The following NCAM2 variants were observed in gnomAD, a reference collection of about 807,000 sequenced individuals.
NCAM2 encodes N-CAM-2.
A neutral mutation model predicts 98.1 loss-of-function variants in NCAM2; 30 were observed. The observed-to-expected ratio is 0.31, with a 90% confidence interval of 0.23 to 0.41. The LOEUF (loss-of-function observed/expected upper bound fraction) is 0.41. NCAM2 is among the 10% of genes least tolerant of loss of function. NCAM2 has a pLI of 1.00. For synonymous variants in NCAM2, 368 were observed against 342.4 expected, an observed-to-expected ratio of 1.07 and a Z score of -0.83; for missense variants, 867 against 1,005.8, an observed-to-expected ratio of 0.86 and a Z score of 1.87.
chr21:21,120,075 A>C (rs1034356068), intron 1 of NCAM2, among the ~76,000 whole-genome samples: 13 of 152,210 alleles, frequency 8.5e-5, no homozygotes, highest in Non-Finnish European at 1.9e-4. Flanking sequence ...TAATTGCTTT[A>C]ATCTGCTGCT....
intron 1 of NCAM2, among the ~76,000 whole-genome samples, chr21:21,162,719 T>G (rs2067823715): frequency 6.6e-6 from 1 of 152,106 alleles, no homozygotes; most frequent in Admixed American, 6.6e-5. Flanking sequence ...AAGTTCTTGG[T>G]GATGATTGGC....
intron 10 of NCAM2, among the ~76,000 whole-genome samples, chr21:21,415,098 C>T (rs770731045): frequency 2.2e-4 from 34 of 151,940 alleles, no homozygotes; most frequent in Non-Finnish European, 1.0e-4. Flanking sequence ...CTTAAAGACC[C>T]TAGGATTTTC....
At chr21:21,124,039 G>C (rs1205879972) in intron 1 of NCAM2, among the ~76,000 whole-genome samples, 1 of 150,532 alleles carries the variant, frequency 6.6e-6, no homozygotes, top group African/African-American at 2.4e-5. Flanking sequence ...GTAGAGACGG[G>C]GTTTCACCAT....
At chr21:21,402,319 A>AT (rs1287430170) in intron 9 of NCAM2, among the ~76,000 whole-genome samples, 1 of 152,150 alleles carries the variant, frequency 6.6e-6, no homozygotes, top group Admixed American at 6.5e-5. Flanking sequence ...GGGGAGGTCT[A>AT]TAAACGGCCA....
chr21:21,483,774 A>G (rs1469892806), intron 15 of NCAM2, among the ~76,000 whole-genome samples: 1 of 152,118 alleles, frequency 6.6e-6, no homozygotes, highest in Admixed American at 6.5e-5. Flanking sequence ...TAAGTCTAAA[A>G]AATATTTTCA....
At chr21:21,361,231 C>T (rs953636699) in intron 8 of NCAM2, among the ~76,000 whole-genome samples, 1 of 152,068 alleles carries the variant, frequency 6.6e-6, no homozygotes, top group African/African-American at 2.4e-5. Context: ...TCTTGATACA[C>T]ACACACACAC....
chr21:21,314,526 C>T (rs1431170584), intron 5 of NCAM2, among the ~76,000 whole-genome samples: 3 of 152,078 alleles, frequency 2.0e-5, no homozygotes, highest in African/African-American at 7.2e-5. Flanking sequence ...ATGTCAGATG[C>T]ATTGATACAT....
At chr21:21,099,022 T>C (rs914746231) in intron 1 of NCAM2, among the ~76,000 whole-genome samples, 2 of 151,858 alleles carry the variant, frequency 1.3e-5, no homozygotes, top group African/African-American at 2.4e-5. Flanking sequence ...TGACCATCAG[T>C]GGATTAATTT....
At chr21:21,389,813 T>G (rs184097028) in intron 9 of NCAM2, among the ~76,000 whole-genome samples, 9 of 152,314 alleles carry the variant, frequency 5.9e-5, no homozygotes, top group African/African-American at 2.2e-4. Context: ...CTTTATCCAT[T>G]CATGCACTGG....
At position 21,410,102 on chromosome 21, in the gene NCAM2, C is replaced by T. The variant is rs138500079; in HGVS notation, c.1196-172C>T. On this transcript the variant is annotated intron_variant, in intron 9 of 17. Coordinates refer to ENST00000400546, the MANE Select transcript of NCAM2 (RefSeq NM_004540.5). ...GAGCGGAGATTGCACCACTGCACTC[C>T]AGCCTGGGCGACAGGGCGAGACTCC... Among the ~76,000 whole-genome samples the T allele has an allele frequency of 7.8e-3, 1,181 of 151,724 alleles. 15 individuals carry two copies. The highest frequency in any genetic ancestry group is 0.027 in the African/African-American group (1,133 of 41,350).
At chr21:21,359,840 AC>A (rs1263213071) in intron 8 of NCAM2, among the ~76,000 whole-genome samples, 4 of 151,934 alleles carry the variant, frequency 2.6e-5, no homozygotes, top group African/African-American at 9.7e-5. Context: ...AATAGACTTA[AC>A]AAAAACAACA....
intron 1 of NCAM2, among the ~76,000 whole-genome samples, chr21:21,082,171 T>A (rs997140936): frequency 7.0e-6 from 1 of 143,138 alleles, no homozygotes; most frequent in Non-Finnish European, 1.5e-5. Flanking sequence ...GAGGTTGCAG[T>A]GAGCTGAGAT....
At chr21:21,061,564 A>T (rs2065322952) in intron 1 of NCAM2, among the ~76,000 whole-genome samples, 1 of 152,166 alleles carries the variant, frequency 6.6e-6, no homozygotes, top group Non-Finnish European at 1.5e-5. Flanking sequence ...ATCTGTTCAG[A>T]GATGAGTTAA....
chr21:20,998,848 G>A (rs6518017), intron 1 of NCAM2, among the ~76,000 whole-genome samples: 63,360 of 151,918 alleles, frequency 0.42, 13,345 homozygotes, highest in Admixed American at 0.44. Context: ...GAGGGGAATC[G>A]GTGAGCAGGA....
intron 1 of NCAM2, among the ~76,000 whole-genome samples, chr21:21,274,700 T>A (rs1030194796): frequency 6.6e-6 from 1 of 152,180 alleles, no homozygotes; most frequent in South Asian, 2.1e-4. Flanking sequence ...TCTTAGTCTT[T>A]TAACACTGTT....
intron 1 of NCAM2, among the ~76,000 whole-genome samples, chr21:21,041,751 G>A (rs1468871567): frequency 6.6e-6 from 1 of 152,204 alleles, no homozygotes; most frequent in African/African-American, 2.4e-5. Context: ...GTAACAGAGA[G>A]AGAAAGCAAG....
intron 9 of NCAM2, among the ~76,000 whole-genome samples, chr21:21,379,303 T>A (rs571823433): frequency 1.2e-4 from 18 of 152,236 alleles, no homozygotes; most frequent in African/African-American, 3.8e-4. Flanking sequence ...TTCTTCTATG[T>A]ATTTTGAATT....
At chr21:21,528,922 A>C (rs1191799121) in intron 16 of NCAM2, among the ~76,000 whole-genome samples, 1 of 152,156 alleles carries the variant, frequency 6.6e-6, no homozygotes, top group Non-Finnish European at 1.5e-5. Flanking sequence ...TCCAGAAAAG[A>C]AGTTATATAC....
chr21:21,095,250 G>A (rs1470561302), intron 1 of NCAM2, among the ~76,000 whole-genome samples: 1 of 151,544 alleles, frequency 6.6e-6, no homozygotes, highest in Admixed American at 6.6e-5. Flanking sequence ...CATTTTCAAC[G>A]CAAATCACAG....
Sources: allele counts gnomAD v4.1 joint callset (sites outside exome capture counted in the v4.1 genomes callset), GRCh38; gene constraint gnomAD v4.1.1; transcripts MANE v1.5; gene names NCBI Gene and HGNC (gene_info 2026-07-23, HGNC 2026-07-21).